Variants in ABLIM2 observed in about 807,000 individuals in gnomAD.
ABLIM2 encodes the protein actin-binding LIM protein 2.
A neutral mutation model predicts 97.7 loss-of-function variants in ABLIM2; 53 were observed. The ratio of observed to expected loss-of-function variants is 0.54; its 90% confidence interval spans 0.44 to 0.68. The LOEUF (loss-of-function observed/expected upper bound fraction) is 0.68. ABLIM2 is among the 30% of genes least tolerant of loss of function. The pLI is 0.00. For synonymous variants in ABLIM2, 361 were observed against 345.8 expected (o/e 1.04, Z -0.49); for missense variants, 835 against 867.2 (o/e 0.96, Z 0.47).
At chr4:8,000,090 G>A (rs1321962502) in intron 16 of ABLIM2, among the ~76,000 whole-genome samples, 1 of 152,116 alleles carries the variant, frequency 6.6e-6, no homozygotes, top group Non-Finnish European at 1.5e-5. Context: ...AGGCTTGGAG[G>A]CTGTGGCACT....
chr4:8,036,104 A>G, intron 10 of ABLIM2, 45 bp downstream of exon 10: 2 of 1,605,454 alleles, frequency 1.2e-6, no homozygotes, highest in South Asian at 1.1e-5. Context: ...GCAGGGCAGC[A>G]CTTGGGGACA....
At chr4:7,976,945 A>ATACATACACACAGTCACG (rs1232287024) in intron 20 of ABLIM2, among the ~76,000 whole-genome samples, 1 of 152,146 alleles carries the variant, frequency 6.6e-6, no homozygotes, top group Non-Finnish European at 1.5e-5. Flanking sequence ...ATCCACATAC[A>ATACATACACACAGTCACG]TACATACACA....
In ABLIM2 at chr4:7,983,326, G is replaced by A. The variant is rs1383790196; in HGVS notation, c.1762C>T (p.Leu588Phe). The A allele has an allele frequency of 6.2e-7, 1 of 1,612,374 alleles. No individual in the cohort carries two copies. The highest frequency in any genetic ancestry group is 8.5e-7 in the Non-Finnish European group (1 of 1,179,442). Residue 588 changes from leucine (L) to phenylalanine (F), a missense_variant, in exon 20 of 21, where the codon CTC becomes TTC. Physicochemically the swap from Leu to Phe is conservative, Grantham distance 22. Coordinates refer to ENST00000447017, the MANE Select transcript of ABLIM2 (RefSeq NM_001130083.2). Reference sequence around the variant, plus strand: ...ACGCGAATTCGGTTTGTGACGATGAGGGAGTCATACGGATAGATCTGTTGG... The same window carrying A: ...ACGCGAATTCGGTTTGTGACGATGAAGGAGTCATACGGATAGATCTGTTGG... ...REYKIYPYDS[L>F]IVTNRIRVKL...
At position 7,970,325 on chromosome 4, in the gene ABLIM2, G is replaced by A. The variant is rs1726782605; in HGVS notation, c.1825-3222C>T. ...CCTGCTGGGGGAGGCTAAGGGAGGG[G>A]CGCAAAGGTGCTGGTGGGCAGAGGG... is the stretch of plus-strand genomic sequence containing the variant. On this transcript the variant is annotated intron_variant, in intron 20 of 20. Transcript: ENST00000447017. The surrounding 1 kb of genome is among the most constrained non-coding windows in gnomAD (Gnocchi z 5.3). Among the ~76,000 whole-genome samples, 1 of 152,124 alleles carries A rather than the reference G, an allele frequency of 6.6e-6. No homozygotes were observed. The highest frequency in any genetic ancestry group is 1.5e-5 in the Non-Finnish European group (1 of 68,004).
At position 7,986,321 on chromosome 4, in the gene ABLIM2, G is replaced by C. The variant is rs899417894; in HGVS notation, c.1681-1428C>G. ...GAGCAGGAAGACCTCAGAGGGCACC[G>C]AGTCCAAAGCCCTTTATCTGAAACA... On this transcript the variant is annotated intron_variant, in intron 17 of 20. Coordinates refer to ENST00000447017, the MANE Select transcript of ABLIM2 (RefSeq NM_001130083.2). This position sits in a 1 kb window ranked among gnomAD's most constrained non-coding sequence, Gnocchi z 4.3. Among the ~76,000 whole-genome samples the C allele has an allele frequency of 2.6e-5, 4 of 152,124 alleles. No homozygotes were observed. The highest frequency in any genetic ancestry group is 2.0e-4 in the Admixed American group (3 of 15,276).
At chr4:8,006,118 T>G (rs1476047606) in intron 16 of ABLIM2, among the ~76,000 whole-genome samples, 2 of 152,222 alleles carry the variant, frequency 1.3e-5, no homozygotes, top group African/African-American at 2.4e-5. Flanking sequence ...ACCAGGCTCG[T>G]GTTCTCCTGG....
chr4:8,041,888 A>C (rs1788858799), intron 9 of ABLIM2, among the ~76,000 whole-genome samples: 2 of 150,204 alleles, frequency 1.3e-5, no homozygotes, highest in Admixed American at 1.3e-4. Context: ...TGGGCGACAC[A>C]GTGAGACTCC....
chr4:8,022,298 C>T lies in ABLIM2; in HGVS notation c.1268-1995G>A, dbSNP rs894454399. 1.1e-4 allele frequency among the ~76,000 whole-genome samples: 16 copies of T among 152,132 alleles called. No homozygotes were observed. The highest frequency in any genetic ancestry group is 4.1e-4 in the South Asian group (2 of 4,832). ...CTGCCTCAGCCCCCACTCAGTGGGC[C>T]GAGGATCTAACACATCACAGTGTAC... On this transcript the variant is annotated intron_variant, in intron 12 of 20. Coordinates refer to ENST00000447017, the MANE Select transcript of ABLIM2 (RefSeq NM_001130083.2). The surrounding 1 kb of genome is among the most constrained non-coding windows in gnomAD (Gnocchi z 7.8).
intron 9 of ABLIM2, among the ~76,000 whole-genome samples, chr4:8,038,595 G>T (rs1050079095): frequency 6.6e-6 from 1 of 152,132 alleles, no homozygotes; most frequent in South Asian, 2.1e-4. Flanking sequence ...CCTCCTCCAC[G>T]AAGTCTTCCC....
chr4:8,010,161 G>A (rs750753224), intron 14 of ABLIM2, among the ~76,000 whole-genome samples: 6 of 152,338 alleles, frequency 3.9e-5, no homozygotes, highest in Non-Finnish European at 7.3e-5. Context: ...GCTGAGCAAC[G>A]AGGCATCTGG....
chr4:8,063,388 T>C (rs1283571730), intron 6 of ABLIM2, among the ~76,000 whole-genome samples: 2 of 152,246 alleles, frequency 1.3e-5, no homozygotes, highest in South Asian at 2.1e-4. Context: ...TCTAAGACGA[T>C]GGGCTTGAGC....
At position 8,118,805 on chromosome 4, in the gene ABLIM2, A is replaced by C. The variant is rs1843940207; in HGVS notation, c.11-12168T>G. On this transcript the variant is annotated intron_variant, in intron 1 of 20. Transcript: ENST00000447017. Reference sequence around the variant, plus strand: ...ACTTGTCCTTCCAGGCCCACGTCAAATGCCCCCTCTGTACCGACAGCGTAT... The same window carrying C: ...ACTTGTCCTTCCAGGCCCACGTCAACTGCCCCCTCTGTACCGACAGCGTAT... Among the ~76,000 whole-genome samples, 2 of 152,150 alleles carry C rather than the reference A, an allele frequency of 1.3e-5. 1 individual carries two copies. The highest frequency in any genetic ancestry group is 4.1e-4 in the South Asian group (2 of 4,828).
chr4:7,971,228 G>A (rs1408673233), intron 20 of ABLIM2, among the ~76,000 whole-genome samples: 2 of 152,182 alleles, frequency 1.3e-5, no homozygotes, highest in Non-Finnish European at 2.9e-5. Context: ...GTCTGCCAGG[G>A]CAGGCAGGGT....
At chr4:8,129,779 C>T (rs924483736) in intron 1 of ABLIM2, among the ~76,000 whole-genome samples, 14 of 152,246 alleles carry the variant, frequency 9.2e-5, no homozygotes, top group African/African-American at 2.6e-4. Context: ...GGAGGGCTGG[C>T]GTTGAGAAGT....
chr4:8,106,040 T>C (rs763094073), intron 2 of ABLIM2, among the ~76,000 whole-genome samples: 3 of 152,222 alleles, frequency 2.0e-5, no homozygotes, highest in Non-Finnish European at 4.4e-5. Context: ...GAAGTGATTT[T>C]AGTCTGGAGT....
intron 20 of ABLIM2, 119 bp downstream of exon 20, chr4:7,983,145 G>C (rs1740205451): frequency 1.9e-6 from 2 of 1,043,138 alleles, no homozygotes; most frequent in Non-Finnish European, 2.9e-6. Flanking sequence ...ATCACGGCAA[G>C]GCTCTGCACT....
intron 8 of ABLIM2, among the ~76,000 whole-genome samples, chr4:8,053,517 A>AG (rs796647336): frequency 9.9e-5 from 15 of 152,262 alleles, no homozygotes; most frequent in African/African-American, 3.6e-4. Context: ...CACAGACATG[A>AG]GGGGGGTCTT....
At chr4:7,983,421 C>T (rs1453303078) in intron 19 of ABLIM2, 77 bp from the exon 20 acceptor site, 2 of 1,578,992 alleles carry the variant, frequency 1.3e-6, no homozygotes, top group Non-Finnish European at 1.7e-6. Context: ...CAGAAGGTCA[C>T]CGAGAATACA....
chr4:8,027,299 G>A (rs987699230), intron 12 of ABLIM2, among the ~76,000 whole-genome samples: 1 of 152,324 alleles, frequency 6.6e-6, no homozygotes, highest in Admixed American at 6.5e-5. Context: ...CCGAGAGTTG[G>A]AGCCACACTG....
Sources: gnomAD v4.1 joint callset for allele counts (sites outside exome capture counted in the v4.1 genomes callset) on GRCh38, gnomAD v4.1.1 for gene constraint, Gnocchi (gnomAD v3.1) non-coding constraint, MANE v1.5 for transcripts, NCBI Gene and HGNC (gene_info 2026-07-23, HGNC 2026-07-21) for gene names.